ROBO2: variants seen among roughly 807,000 people sequenced by gnomAD.
The protein encoded by ROBO2 is roundabout homolog 2.
A neutral mutation model predicts 160.8 loss-of-function variants in ROBO2; 53 were observed. The observed-to-expected ratio is 0.33, with a 90% CI of 0.26 to 0.41. ROBO2 has a LOEUF of 0.41. Among genes scored for constraint, ROBO2 ranks in the 10% least tolerant of loss-of-function variants. The probability of loss-of-function intolerance (pLI) is 1.00; values close to 1 mark genes in which losing one functional copy is unlikely to be tolerated. For synonymous variants in ROBO2, 664 were observed against 611.7 expected (o/e 1.09, Z -1.26); for missense variants, 1,577 against 1,722.4 (o/e 0.92, Z 1.49).
chr3:77,098,567 GC>G (rs1295912186), intron 2 of ROBO2, among the ~76,000 whole-genome samples: 4 of 152,150 alleles, frequency 2.6e-5, no homozygotes. Flanking sequence ...AAGAAAGCAG[GC>G]CGGGCGCGGT....
intron 2 of ROBO2, chr3:75,964,968 T>C (rs568155511): frequency 1.3e-5 from 2 of 151,854 alleles, no homozygotes; most frequent in Non-Finnish European, 2.9e-5. Flanking sequence ...TATTTATTTT[T>C]TCTGTTTATT....
At chr3:77,151,332 CG>C (rs1210337751) in intron 2 of ROBO2, among the ~76,000 whole-genome samples, 33 of 152,028 alleles carry the variant, frequency 2.2e-4, no homozygotes, top group African/African-American at 7.5e-4. Flanking sequence ...AAAATGCTAC[CG>C]AATTAAAATT....
chr3:75,911,618 C>T (rs1344903116), intron 1 of ROBO2, among the ~76,000 whole-genome samples: 60 of 109,398 alleles, frequency 5.5e-4, no homozygotes, highest in Non-Finnish European at 6.2e-4. Context: ...AGTGCAGTGG[C>T]GCGATCTCGA....
At chr3:76,763,696 A>G (rs2061432635) in intron 2 of ROBO2, among the ~76,000 whole-genome samples, 1 of 151,666 alleles carries the variant, frequency 6.6e-6, no homozygotes. Context: ...TTGTGCATTC[A>G]TAATTTGTTG....
At chr3:76,254,992 A>G (rs894091581) in intron 2 of ROBO2, among the ~76,000 whole-genome samples, 7 of 152,090 alleles carry the variant, frequency 4.6e-5, no homozygotes, top group Non-Finnish European at 8.8e-5. Context: ...TAATTGATGA[A>G]CTATTGAAGC....
intron 6 of ROBO2, among the ~76,000 whole-genome samples, chr3:77,542,597 C>A (rs920937014): frequency 6.6e-6 from 1 of 152,004 alleles, no homozygotes. Context: ...TTAAAATAAT[C>A]CAGTATTGGG....
At chr3:76,665,818 C>T (rs1359726429) in intron 2 of ROBO2, among the ~76,000 whole-genome samples, 1 of 148,110 alleles carries the variant, frequency 6.8e-6, no homozygotes, top group East Asian at 2.0e-4. Flanking sequence ...CTTTTTAAAG[C>T]TAACTATATT....
At chr3:77,556,274 A>T (rs2093117342) in intron 8 of ROBO2, among the ~76,000 whole-genome samples, 2 of 151,936 alleles carry the variant, frequency 1.3e-5, no homozygotes, top group Admixed American at 6.6e-5. Context: ...AATTATTACA[A>T]TATTCTACTT....
chr3:77,534,842 C>T (rs959661275), intron 6 of ROBO2, among the ~76,000 whole-genome samples: 4 of 152,176 alleles, frequency 2.6e-5, no homozygotes, highest in Non-Finnish European at 5.9e-5. Context: ...CTTTCTGCTG[C>T]CTCTAGGTCT....
intron 6 of ROBO2, 28 bp downstream of exon 6, chr3:77,522,930 T>C (rs367859564): frequency 1.7e-5 from 28 of 1,607,574 alleles, no homozygotes; most frequent in Non-Finnish European, 2.3e-5. Context: ...TCAAAGATAA[T>C]TGAACCAGGA....
intron 2 of ROBO2, among the ~76,000 whole-genome samples, chr3:77,476,469 C>G (rs957072737): frequency 6.6e-6 from 1 of 151,796 alleles, no homozygotes; most frequent in Non-Finnish European, 1.5e-5. Context: ...TGTCCAAGAA[C>G]AGAAATAGTA....
chr3:76,182,848 C>T (rs759552674), intron 2 of ROBO2, among the ~76,000 whole-genome samples: 7 of 152,064 alleles, frequency 4.6e-5, no homozygotes, highest in African/African-American at 7.2e-5. Flanking sequence ...TTTTCAATTA[C>T]GATATAATAT....
Position 76,002,767 on chromosome 3 carries a change from A to C in ROBO2, c.109+65165A>C, listed in dbSNP as rs567365563. On this transcript the variant is annotated intron_variant, in intron 2 of 26. Coordinates refer to the ROBO2 transcript ENST00000487694. ...AAAGCTTCAAGACATTAGGAGAGAGACTTCTCTGGAATAGCTTTTTCCTTC... is the reference window on the plus strand; with the variant it reads ...AAAGCTTCAAGACATTAGGAGAGAGCCTTCTCTGGAATAGCTTTTTCCTTC... 7.2e-5 allele frequency among the ~76,000 whole-genome samples: 11 copies of C among 152,152 alleles called. No homozygotes were observed. In the South Asian group the frequency reaches 2.3e-3, roughly 32 times the overall value.
intron 2 of ROBO2, among the ~76,000 whole-genome samples, chr3:76,830,826 A>AAT (rs1349601639): frequency 6.6e-6 from 1 of 151,272 alleles, no homozygotes; most frequent in African/African-American, 2.4e-5. Flanking sequence ...AAAAAAAAAA[A>AAT]AAAGTTCTTT....
In ROBO2 at chr3:76,531,476, G is replaced by A. The variant is rs568594884; in HGVS notation, c.110-566538G>A. Among the ~76,000 whole-genome samples, 154 of 151,720 alleles carry A rather than the reference G, an allele frequency of 1.0e-3. 1 individual carries two copies. The South Asian group carries it at 0.013, about 13-fold the overall frequency. Reference sequence around the variant, plus strand: ...AATATTTAAATTATTATGTCTTCTCGAATATATTTTTTAATTAACTTATGA... The same window carrying A: ...AATATTTAAATTATTATGTCTTCTCAAATATATTTTTTAATTAACTTATGA... On this transcript the variant is annotated intron_variant, in intron 2 of 26. Coordinates refer to the ROBO2 transcript ENST00000487694.
chr3:77,429,394 C>T (rs1352998379), intron 2 of ROBO2, among the ~76,000 whole-genome samples: 1 of 152,066 alleles, frequency 6.6e-6, no homozygotes, highest in Non-Finnish European at 1.5e-5. Context: ...CAGATTCAAA[C>T]TCAAGACAAG....
At chr3:76,146,766 A>T (rs1235981277) in intron 2 of ROBO2, among the ~76,000 whole-genome samples, 6 of 106,748 alleles carry the variant, frequency 5.6e-5, no homozygotes, top group Non-Finnish European at 1.2e-4. Context: ...ATATCATTTT[A>T]GAATTCTATC....
intron 2 of ROBO2, among the ~76,000 whole-genome samples, chr3:77,420,345 A>G (rs900654715): frequency 6.6e-6 from 1 of 152,090 alleles, no homozygotes; most frequent in Non-Finnish European, 1.5e-5. Flanking sequence ...GTGTGTATGC[A>G]TATGGTATAT....
chr3:76,021,213 G>A (rs542329130), intron 2 of ROBO2, among the ~76,000 whole-genome samples: 4 of 151,724 alleles, frequency 2.6e-5, no homozygotes, highest in Non-Finnish European at 5.9e-5. Context: ...TAGATTGGAG[G>A]AAGGTCATAG....
Sources: gnomAD v4.1 joint callset for allele counts (sites outside exome capture counted in the v4.1 genomes callset) on GRCh38, gnomAD v4.1.1 for gene constraint, MANE v1.5 for transcripts, NCBI Gene and HGNC (gene_info 2026-07-23, HGNC 2026-07-21) for gene names.